Variants in ARL13B observed in about 807,000 individuals in gnomAD.
ARL13B encodes ARF like GTPase 13B.
Under a neutral mutation model 56.1 loss-of-function variants are expected in ARL13B, and 36 were observed. That is an observed-to-expected ratio of 0.64 (90% CI 0.49 to 0.85). The LOEUF is 0.85. Ranked by LOEUF, ARL13B falls within the 40% of genes least tolerant of loss-of-function variation. The pLI, the probability that ARL13B is intolerant of heterozygous loss-of-function variation, is 0.00. For synonymous variants in ARL13B, 178 were observed against 171.1 expected, an observed-to-expected ratio of 1.04 and a Z score of -0.32; for missense variants, 519 against 507.1, an observed-to-expected ratio of 1.02 and a Z score of -0.23.
chr3:94,038,626 C>T (rs565687865), intron 5 of ARL13B, among the ~76,000 whole-genome samples: 17 of 148,556 alleles, frequency 1.1e-4, no homozygotes, highest in African/African-American at 3.0e-4. Flanking sequence ...CAGGTTCAAG[C>T]GATTCTCCTG....
intron 7 of ARL13B, among the ~76,000 whole-genome samples, chr3:94,046,583 G>T: frequency 6.6e-6 from 1 of 151,810 alleles, no homozygotes; most frequent in Non-Finnish European, 1.5e-5. Context: ...GTCACTTGTT[G>T]GTGGGCATTC....
In ARL13B at chr3:94,054,844, A is replaced by C. The variant is rs2107215770; in HGVS notation, c.*1581A>C. ...AACCTAAATTTGAGAGGTGGCTGAAATGTGATGAAAAGCAATACGAAAAGA... is the reference window on the plus strand; with the variant it reads ...AACCTAAATTTGAGAGGTGGCTGAACTGTGATGAAAAGCAATACGAAAAGA... On this transcript the variant is annotated 3_prime_UTR_variant, in exon 10 of 10. Transcript: ENST00000394222. The C allele has an allele frequency of 2.8e-6, 1 of 359,744 alleles. No individual in the cohort carries two copies. Among genetic ancestry groups the C allele is most frequent in the South Asian group, 2.2e-5 (1 of 46,158 alleles). 22.3% of individuals were successfully genotyped at this position (359,744 alleles called of 1,614,324 possible).
At chr3:93,982,316 T>C (rs1003003802) in intron 1 of ARL13B, among the ~76,000 whole-genome samples, 1 of 152,232 alleles carries the variant, frequency 6.6e-6, no homozygotes, top group African/African-American at 2.4e-5. Flanking sequence ...TGTATTTTCT[T>C]CTTTAATAAG....
chr3:94,019,749 C>T (rs530463795), intron 3 of ARL13B, among the ~76,000 whole-genome samples: 5 of 152,322 alleles, frequency 3.3e-5, no homozygotes, highest in African/African-American at 9.6e-5. Flanking sequence ...TCTGTTACCC[C>T]TCCGACCTCA....
intron 2 of ARL13B, among the ~76,000 whole-genome samples, chr3:93,998,446 G>A (rs981799798): frequency 6.6e-6 from 1 of 151,780 alleles, no homozygotes; most frequent in African/African-American, 2.4e-5. Flanking sequence ...TTCTCTTTTT[G>A]TCCTTCATCC....
chr3:93,980,500 G>T lies in ARL13B; in HGVS notation c.59+18G>T, dbSNP rs748002391. On this transcript the variant is annotated intron_variant, in intron 1 of 9. Transcript: ENST00000394222. The stretch of plus-strand genomic sequence containing the variant: ...CCTGTCAGGTAGGCTGGAGCCAGCT[G>T]TCCTGGCCGTCCTAGGGGTTGGAGA... 1 of 1,608,480 alleles carries T rather than the reference G, an allele frequency of 6.2e-7. No homozygotes were observed.
chr3:94,007,711 G>A (rs1466628648), intron 3 of ARL13B, among the ~76,000 whole-genome samples: 1 of 152,112 alleles, frequency 6.6e-6, no homozygotes, highest in African/African-American at 2.4e-5. Flanking sequence ...ACAGAATTAT[G>A]AGAGTACAAT....
rs1339084458 is a variant in ARL13B, at chr3:94,053,764, C to G, written c.*501C>G. The G allele has an allele frequency of 3.4e-6, 1 of 295,010 alleles. No individual in the cohort carries two copies. The highest frequency in any genetic ancestry group is 6.6e-6 in the Non-Finnish European group (1 of 152,570). 18.3% of individuals were successfully genotyped at this position (295,010 alleles called of 1,614,324 possible). On this transcript the variant is annotated 3_prime_UTR_variant, in exon 10 of 10. Transcript: ENST00000394222. ...AATTACTGTGATATTGATTATACAC[C>G]TTTTTTATAGATGATTTGTTTAAAT...
At chr3:94,030,393 ATT>A (rs11299685) in intron 3 of ARL13B, among the ~76,000 whole-genome samples, 180 of 119,934 alleles carry the variant, frequency 1.5e-3, no homozygotes, top group East Asian at 5.5e-3. Flanking sequence ...CGCCTGGCTC[ATT>A]TTTTTTTTTT....
intron 2 of ARL13B, among the ~76,000 whole-genome samples, chr3:94,002,570 T>A (rs750186154): frequency 4.6e-4 from 70 of 152,208 alleles, no homozygotes; most frequent in Non-Finnish European, 7.6e-4. Flanking sequence ...CAGAAAAATA[T>A]AAAGTTTGAA....
chr3:93,987,343 G>A (rs1710520519), intron 1 of ARL13B, among the ~76,000 whole-genome samples: 1 of 152,042 alleles, frequency 6.6e-6, no homozygotes, highest in African/African-American at 2.4e-5. Flanking sequence ...AAGGAATTCT[G>A]AGATAAGATA....
chr3:93,996,796 C>T lies in ARL13B; in HGVS notation c.130+852C>T, dbSNP rs369974404. 8.2e-4 allele frequency: 144 copies of T among 175,448 alleles called. 1 individual carries two copies. The highest frequency in any genetic ancestry group is 4.1e-3 in the East Asian group (27 of 6,518). 10.9% of individuals were successfully genotyped at this position (175,448 alleles called of 1,614,324 possible). A position where few individuals can be genotyped will look rare whatever the true frequency, so the allele number is the denominator to read the frequency against. ...GGCATCTAAAGTGAGTCCCCAACCC[C>T]GGGGCCGTGGACCAATATCTGTCTG... On this transcript the variant is annotated intron_variant, in intron 2 of 9. Transcript: ENST00000394222.
intron 1 of ARL13B, among the ~76,000 whole-genome samples, chr3:93,995,048 C>T (rs1222070326): frequency 6.6e-6 from 1 of 152,088 alleles, no homozygotes; most frequent in Non-Finnish European, 1.5e-5. Context: ...TTTCCAAATC[C>T]ATGGTGGTAA....
chr3:94,031,554 C>G (rs2107087749), intron 3 of ARL13B, among the ~76,000 whole-genome samples: 1 of 152,204 alleles, frequency 6.6e-6, no homozygotes, highest in Non-Finnish European at 1.5e-5. Flanking sequence ...CTCCTGCTGC[C>G]TCAAAATGGG....
chr3:94,014,695 TC>T, intron 3 of ARL13B: 1 of 1,613,068 alleles, frequency 6.2e-7, no homozygotes, highest in East Asian at 2.2e-5. Flanking sequence ...ATTAAAAACT[TC>T]CCATTTTCCT....
intron 3 of ARL13B, among the ~76,000 whole-genome samples, chr3:94,032,198 G>C (rs2076688093): frequency 6.6e-6 from 1 of 152,106 alleles, no homozygotes; most frequent in African/African-American, 2.4e-5. Context: ...AAACTTACAA[G>C]GAAATCAACA....
intron 1 of ARL13B, chr3:93,988,516 A>C (rs1400676737): frequency 2.7e-5 from 7 of 255,452 alleles, no homozygotes; most frequent in Non-Finnish European, 5.5e-5. Context: ...AGTTCCTGCT[A>C]CTTAAAATGT....
intron 4 of ARL13B, 109 bp from the exon 5 acceptor site, chr3:94,036,437 ATATTAT>A: frequency 9.6e-7 from 1 of 1,041,738 alleles, no homozygotes; most frequent in South Asian, 1.4e-5. Context: ...CAGATGCTTC[ATATTAT>A]TAACTTAAAT....
intron 3 of ARL13B, among the ~76,000 whole-genome samples, chr3:94,026,725 T>C (rs369152034): frequency 6.6e-6 from 1 of 152,212 alleles, no homozygotes. Context: ...CAGTCTGTTA[T>C]GTACCTTAAA....
Sources: allele counts gnomAD v4.1 joint callset (sites outside exome capture counted in the v4.1 genomes callset), GRCh38; gene constraint gnomAD v4.1.1; transcripts MANE v1.5; gene names NCBI Gene and HGNC (gene_info 2026-07-23, HGNC 2026-07-21).